SBNO1: variants seen among roughly 807,000 people sequenced by gnomAD.
SBNO1 encodes the protein protein strawberry notch homolog 1.
In SBNO1, 23 loss-of-function variants were observed where a neutral mutation model predicts 173.6. That is an observed-to-expected ratio of 0.13 (90% CI 0.10 to 0.19). SBNO1 has a LOEUF of 0.19. Among genes scored for constraint, SBNO1 ranks in the 10% least tolerant of loss-of-function variants. SBNO1 has a pLI of 1.00. For missense variants in SBNO1, 1,238 were observed against 1,671.2 expected (o/e 0.74, Z 4.52); for synonymous variants, 632 against 571.5 (o/e 1.11, Z -1.51).
In SBNO1 at chr12:123,293,888, T is replaced by G. The variant is rs1214062709; in HGVS notation, c.*2020A>C. ...GGGTTTGTAATGCTTCCCCACTTCC[T>G]CAGGTCCAGCGACTGCACCTCCACC... On this transcript the variant is annotated 3_prime_UTR_variant, in exon 32 of 32. Coordinates refer to ENST00000602398, the MANE Select transcript of SBNO1 (RefSeq NM_001167856.3). 6.6e-6 allele frequency: 1 copy of G among 151,448 alleles called. No homozygotes were observed. The highest frequency in any genetic ancestry group is 1.5e-5 in the Non-Finnish European group (1 of 67,940). 9.4% of individuals were successfully genotyped at this position (151,448 alleles called of 1,614,324 possible). A position where few individuals can be genotyped will look rare whatever the true frequency, so the allele number is the denominator to read the frequency against.
intron 21 of SBNO1, among the ~76,000 whole-genome samples, chr12:123,316,945 A>G (rs1869359369): frequency 6.6e-6 from 1 of 150,550 alleles, no homozygotes; most frequent in South Asian, 2.1e-4. Context: ...CAAGTGATGC[A>G]CCCACCTCAG....
intron 14 of SBNO1, 49 bp from the exon 15 acceptor site, chr12:123,325,648 T>A (rs771893906): frequency 8.3e-7 from 1 of 1,205,026 alleles, no homozygotes. Flanking sequence ...TGTTTGTGGC[T>A]TCTTACCAAG....
Position 123,315,499 on chromosome 12 carries a change from G to A in SBNO1, c.3048+49C>T, listed in dbSNP as rs768414681. 6.9e-6 allele frequency: 11 copies of A among 1,586,590 alleles called. No homozygotes were observed. The Admixed American group carries it at 1.0e-4, about 14-fold the overall frequency. ...ACAGGTAACCTTTTACCAGAAAACAGGTACAATAGATCATCATTTACACAC... is the reference window on the plus strand; with the variant it reads ...ACAGGTAACCTTTTACCAGAAAACAAGTACAATAGATCATCATTTACACAC... On this transcript the variant is annotated intron_variant, in intron 22 of 31. Transcript: ENST00000602398.
intron 4 of SBNO1, among the ~76,000 whole-genome samples, chr12:123,344,855 AG>A (rs1872937625): frequency 6.6e-6 from 1 of 152,236 alleles, no homozygotes. Context: ...TCTCAAAAAA[AG>A]AAAAAAGAAA....
At chr12:123,353,832 A>G (rs1874143143) in intron 1 of SBNO1, among the ~76,000 whole-genome samples, 1 of 152,212 alleles carries the variant, frequency 6.6e-6, no homozygotes, top group Non-Finnish European at 1.5e-5. Flanking sequence ...TCAAAATGTC[A>G]TCTCTTTAAA....
rs1418932740 is a variant in SBNO1, at chr12:123,346,101, A to G, written c.238-531T>C. 2.0e-5 allele frequency among the ~76,000 whole-genome samples: 3 copies of G among 152,228 alleles called. No individual in the cohort carries two copies. The East Asian group carries it at 5.8e-4, about 29-fold the overall frequency. On this transcript the variant is annotated intron_variant, in intron 3 of 31. Transcript: ENST00000602398. Reference sequence around the variant, plus strand: ...TCAGGGATGGCAAGCATAAAATGGAACTATCCCACACAAACCGAAAATAAC... The same window carrying G: ...TCAGGGATGGCAAGCATAAAATGGAGCTATCCCACACAAACCGAAAATAAC...
rs925824065 is a variant in SBNO1, at chr12:123,290,888, C to T, written c.*5020G>A. The T allele has an allele frequency of 1.8e-4, 27 of 152,126 alleles. No individual in the cohort carries two copies. Among genetic ancestry groups the T allele is most frequent in the African/African-American group, 6.5e-4 (27 of 41,472 alleles). The allele number at this position is 152,126 out of a possible 1,614,324, so 9.4% of individuals were successfully genotyped here. ...GAGTAGCTGGGACTACAGGCACCCGCCACCACGCCTGGCTAAGTTTTTTTT... is the reference window on the plus strand; with the variant it reads ...GAGTAGCTGGGACTACAGGCACCCGTCACCACGCCTGGCTAAGTTTTTTTT... On this transcript the variant is annotated 3_prime_UTR_variant, in exon 32 of 32. Coordinates refer to ENST00000602398, the MANE Select transcript of SBNO1 (RefSeq NM_001167856.3).
At chr12:123,302,685 T>C in intron 30 of SBNO1, 139 bp downstream of exon 30, 1 of 682,944 alleles carries the variant, frequency 1.5e-6, no homozygotes, top group South Asian at 1.7e-5. Flanking sequence ...GTCCAGTAAA[T>C]ATTCCTGATG....
chr12:123,297,900 G>A, intron 31 of SBNO1, 78 bp downstream of exon 31: 2 of 1,319,870 alleles, frequency 1.5e-6, no homozygotes, highest in Non-Finnish European at 2.2e-6. Flanking sequence ...GTGGAATAAA[G>A]CTAAGATATT....
chr12:123,323,888 A>C, intron 15 of SBNO1, 57 bp from the exon 16 acceptor site: 1 of 1,269,864 alleles, frequency 7.9e-7, no homozygotes, highest in Non-Finnish European at 1.1e-6. Context: ...ATTATATGTA[A>C]AGTATTATTA....
In SBNO1 at chr12:123,345,272, A is replaced by C; in HGVS notation, c.536T>G (p.Val179Gly). Residue 179 changes from valine to glycine, a missense_variant, in exon 4 of 32, where the codon GTA becomes GGA. Coordinates refer to ENST00000602398, the MANE Select transcript of SBNO1 (RefSeq NM_001167856.3). Reference protein sequence around the residue: ...LKPPANIAQPVATAATDVSNG... With the variant: ...LKPPANIAQPGATAATDVSNG... Reference sequence around the variant, plus strand: ...AACAGACTTACTAGCTGCTGTTGCTACTGGCTGAGCAATATTAGCAGGTGG... The same window carrying C: ...AACAGACTTACTAGCTGCTGTTGCTCCTGGCTGAGCAATATTAGCAGGTGG... The C allele has an allele frequency of 6.2e-7, 1 of 1,613,134 alleles. No individual in the cohort carries two copies. The highest frequency in any genetic ancestry group is 8.5e-7 in the Non-Finnish European group (1 of 1,179,132).
intron 21 of SBNO1, among the ~76,000 whole-genome samples, chr12:123,316,649 A>T (rs1173889410): frequency 1.3e-5 from 2 of 151,430 alleles, no homozygotes; most frequent in Admixed American, 1.3e-4. Flanking sequence ...CCTCCTGAGT[A>T]GCTGGGACTA....
At chr12:123,304,800 CAT>C in intron 28 of SBNO1, 81 bp from the exon 29 acceptor site, 1 of 973,910 alleles carries the variant, frequency 1.0e-6, no homozygotes, top group Non-Finnish European at 1.6e-6. Flanking sequence ...CGTCAGCAAA[CAT>C]AATCATTTGA....
At chr12:123,327,055 G>C (rs896938133) in intron 13 of SBNO1, among the ~76,000 whole-genome samples, 1 of 152,062 alleles carries the variant, frequency 6.6e-6, no homozygotes, top group Non-Finnish European at 1.5e-5. Context: ...ACCCAAGCTG[G>C]AGTGCACTGG....
At chr12:123,321,956 G>C (rs1395817061) in intron 16 of SBNO1, among the ~76,000 whole-genome samples, 2 of 152,124 alleles carry the variant, frequency 1.3e-5, no homozygotes, top group African/African-American at 2.4e-5. Context: ...GGATACAAAA[G>C]TACTAAGTCA....
intron 30 of SBNO1, among the ~76,000 whole-genome samples, chr12:123,301,004 G>T (rs1301908351): frequency 6.7e-6 from 1 of 149,858 alleles, no homozygotes; most frequent in Non-Finnish European, 1.5e-5. Context: ...AAGTTAGTAG[G>T]TTAACTTTTA....
chr12:123,322,127 C>T (rs1462430022), intron 16 of SBNO1, among the ~76,000 whole-genome samples: 1 of 152,068 alleles, frequency 6.6e-6, no homozygotes, highest in Non-Finnish European at 1.5e-5. Flanking sequence ...AATAGAAAAT[C>T]AATTTATAAA....
intron 5 of SBNO1, among the ~76,000 whole-genome samples, chr12:123,340,193 C>G (rs954695674): frequency 3.3e-5 from 5 of 152,092 alleles, no homozygotes; most frequent in African/African-American, 1.2e-4. Flanking sequence ...TTGTAGAAAC[C>G]TACTACATAT....
chr12:123,308,003 C>T (rs77765598), intron 28 of SBNO1, among the ~76,000 whole-genome samples: 7,271 of 152,144 alleles, frequency 0.048, 306 homozygotes, highest in East Asian at 0.25. Flanking sequence ...ACCTGGGAGG[C>T]GGAGGTTGCA....
Sources: allele counts gnomAD v4.1 joint callset (sites outside exome capture counted in the v4.1 genomes callset), GRCh38; gene constraint gnomAD v4.1.1; transcripts MANE v1.5; gene names NCBI Gene and HGNC (gene_info 2026-07-23, HGNC 2026-07-21).